The following BRCA2 variants were observed in gnomAD, a reference collection of about 807,000 sequenced individuals.
BRCA2 encodes the protein breast cancer type 2 susceptibility protein.
BRCA2 carries 203 observed loss-of-function variants against 276.7 expected under a neutral mutation model. The observed-to-expected ratio is 0.73, with a 90% confidence interval of 0.65 to 0.82. BRCA2 has a LOEUF of 0.82. BRCA2 is among the 40% of genes least tolerant of loss of function. The pLI, the probability that BRCA2 is intolerant of heterozygous loss-of-function variation, is 0.00. For synonymous variants in BRCA2, 1,289 were observed against 1,338.4 expected, an observed-to-expected ratio of 0.96 and a Z score of 0.81; for missense variants, 3,920 against 3,915.0, an observed-to-expected ratio of 1.00 and a Z score of -0.03.
rs11571715 is a variant in BRCA2 at position 32,360,521 on chromosome 13, G to A, written c.7806-2002G>A. 9.1e-3 allele frequency among the ~76,000 whole-genome samples: 1,377 copies of A among 152,148 alleles called. 23 individuals are homozygous for A. Among genetic ancestry groups the A allele is most frequent in the African/African-American group, 0.032 (1,308 of 41,500 alleles). On this transcript the variant is annotated intron_variant, in intron 16 of 26. Coordinates refer to ENST00000380152, the MANE Select transcript of BRCA2 (RefSeq NM_000059.4). Reference sequence around the variant, plus strand: ...ACTACAGGCGCGCACCACCGTGCCCGGCTGATTTTTGTGTTTTTAGTAGAG... The same window carrying A: ...ACTACAGGCGCGCACCACCGTGCCCAGCTGATTTTTGTGTTTTTAGTAGAG...
At chr13:32,334,361 T>C (rs1459606787) in intron 10 of BRCA2, among the ~76,000 whole-genome samples, 1 of 152,172 alleles carries the variant, frequency 6.6e-6, no homozygotes, top group East Asian at 1.9e-4. Context: ...TGCTACTTAC[T>C]ATGTATTTTC....
At chr13:32,334,652 C>A (rs1433535361) in intron 10 of BRCA2, among the ~76,000 whole-genome samples, 1 of 149,722 alleles carries the variant, frequency 6.7e-6, no homozygotes, top group Non-Finnish European at 1.5e-5. Context: ...CCAGCCTGGG[C>A]CACAAAATGA....
Position 32,394,794 on chromosome 13 carries a change from C to G in BRCA2, c.9362C>G (p.Ala3121Gly), listed in dbSNP as rs1234300873. The G allele has an allele frequency of 6.2e-7, 1 of 1,614,092 alleles. No individual in the cohort carries two copies. Among genetic ancestry groups the G allele is most frequent in the South Asian group, 1.1e-5 (1 of 91,080 alleles). Residue 3121 changes from alanine to glycine, a missense_variant, in exon 25 of 27, where the codon GCT (alanine) becomes GGT (glycine). Around this residue, in one of 2 missense-constraint regions of BRCA2, gnomAD observed 657 missense variants for 758.2 expected, o/e 0.87. Transcript: ENST00000380152. ...ATTATTAAGCCTCATATGTTAATTG[C>G]TGCAAGCAACCTCCAGTGGCGACCA... ...EDIIKPHMLI[A>G]ASNLQWRPES...
intron 13 of BRCA2, among the ~76,000 whole-genome samples, chr13:32,351,643 A>T (rs2072651703): frequency 6.6e-6 from 1 of 152,212 alleles, no homozygotes; most frequent in South Asian, 2.1e-4. Flanking sequence ...GTACTTCAAG[A>T]GAAAAAGTCA....
chr13:32,316,070 C>T (rs910224687), intron 1 of BRCA2, among the ~76,000 whole-genome samples: 1 of 152,238 alleles, frequency 6.6e-6, no homozygotes, highest in Non-Finnish European at 1.5e-5. Context: ...CTGGTAATTG[C>T]TGTATTCCGA....
rs776655838 is a variant in BRCA2, at chr13:32,337,850, T to C, written c.3495T>C (p.His1165=). The C allele has an allele frequency of 2.2e-5, 36 of 1,613,980 alleles. No homozygotes were observed. In the Admixed American group the frequency reaches 6.0e-4, roughly 27 times the overall value. Residue 1165 remains histidine, a synonymous_variant, in exon 11 of 27, where the codon CAT becomes CAC. Coordinates refer to ENST00000380152, the MANE Select transcript of BRCA2 (RefSeq NM_000059.4). ...TSEECRDADL[H]VIMNAPSIGQ... ...AGGAATGCAGAGATGCTGATCTTCATGTCATAATGAATGCCCCATCGATTG... is the reference window on the plus strand; with the variant it reads ...AGGAATGCAGAGATGCTGATCTTCACGTCATAATGAATGCCCCATCGATTG...
chr13:32,368,129 C>T (rs911736162), intron 18 of BRCA2, among the ~76,000 whole-genome samples: 1 of 147,306 alleles, frequency 6.8e-6, no homozygotes, highest in African/African-American at 2.5e-5. Context: ...AAGCGATTCT[C>T]CTGCCTCAGC....
At chr13:32,382,863 G>A (rs995816725) in intron 24 of BRCA2, among the ~76,000 whole-genome samples, 1 of 152,200 alleles carries the variant, frequency 6.6e-6, no homozygotes, top group Non-Finnish European at 1.5e-5. Context: ...GATACTGTGT[G>A]GTATGGTATC....
At position 32,351,219 on chromosome 13, in the gene BRCA2, ACACT is replaced by A. The variant is rs2072648059; in HGVS notation, c.7008-3638_7008-3635del. Among the ~76,000 whole-genome samples the A allele has an allele frequency of 2.0e-5, 3 of 152,292 alleles. No individual in the cohort carries two copies. The South Asian group carries it at 6.2e-4, about 32-fold the overall frequency. ...GTGAGCACTACCTTTATGAGCTGTAACACTCACCACGAAGGTCTGCGGCTTCACT... is the reference window on the plus strand; with the variant it reads ...GTGAGCACTACCTTTATGAGCTGTAACACCACGAAGGTCTGCGGCTTCACT... On this transcript the variant is annotated intron_variant, in intron 13 of 26. Transcript: ENST00000380152.
At chr13:32,368,037 T>C (rs1312786638) in intron 18 of BRCA2, among the ~76,000 whole-genome samples, 2 of 98,286 alleles carry the variant, frequency 2.0e-5, no homozygotes, top group South Asian at 3.8e-4. Context: ...TTTTTTTTTT[T>C]GAGATGGAGT....
intron 3 of BRCA2, among the ~76,000 whole-genome samples, chr13:32,323,057 T>G (rs2072316797): frequency 6.6e-6 from 1 of 152,240 alleles, no homozygotes; most frequent in African/African-American, 2.4e-5. Flanking sequence ...GAGTTCTTGT[T>G]GCTCACATCC....
intron 2 of BRCA2, among the ~76,000 whole-genome samples, chr13:32,318,662 C>T (rs1014249967): frequency 2.6e-5 from 4 of 152,050 alleles, no homozygotes; most frequent in African/African-American, 9.7e-5. Context: ...AGGTTGGTCT[C>T]GATCTGACCT....
chr13:32,324,838 A>T (rs1266306408), intron 3 of BRCA2, among the ~76,000 whole-genome samples: 1 of 151,680 alleles, frequency 6.6e-6, no homozygotes, highest in South Asian at 2.1e-4. Context: ...CAGGTGTTGA[A>T]CTCCTGCCTC....
chr13:32,359,945 G>A (rs1593922461), intron 16 of BRCA2, among the ~76,000 whole-genome samples: 2 of 152,288 alleles, frequency 1.3e-5, no homozygotes, highest in Admixed American at 1.3e-4. Flanking sequence ...CATTCTATGT[G>A]GAAGGCATAG....
intron 24 of BRCA2, chr13:32,384,872 G>A: frequency 3.4e-6 from 1 of 293,036 alleles, no homozygotes; most frequent in Admixed American, 3.8e-5. Context: ...CCAGAATGAG[G>A]AAGTGCTGGA....
chr13:32,351,930 T>C (rs1314757379), intron 13 of BRCA2, among the ~76,000 whole-genome samples: 7 of 152,232 alleles, frequency 4.6e-5, no homozygotes, highest in African/African-American at 1.7e-4. Flanking sequence ...GCCTCCCAAG[T>C]AGCCGGGATT....
rs2072682827 is a variant in BRCA2 at position 32,355,190 on chromosome 13, A to G, written c.7337A>G (p.Lys2446Arg). ...NIDGHGSDDS[K>R]NKINDNEIHQ... ...GATGGACATGGCTCTGATGATAGTA[A>G]AAATAAGATTAATGACAATGAGATT... The change falls in exon 14 of 27, where the codon AAA becomes AGA. Residue 2446 changes from lysine (K) to arginine (R), a missense_variant. Transcript: ENST00000380152. 1 of 1,613,866 alleles carries G rather than the reference A, an allele frequency of 6.2e-7. No individual in the cohort carries two copies. Among genetic ancestry groups the G allele is most frequent in the East Asian group, 2.2e-5 (1 of 44,830 alleles).
intron 24 of BRCA2, chr13:32,386,052 G>A (rs2072957705): frequency 5.1e-6 from 1 of 194,458 alleles, no homozygotes. Context: ...CTAGAGTACT[G>A]TGAGTGGGCC....
At chr13:32,390,178 C>A (rs2072987218) in intron 24 of BRCA2, among the ~76,000 whole-genome samples, 1 of 152,166 alleles carries the variant, frequency 6.6e-6, no homozygotes, top group Admixed American at 6.5e-5. Flanking sequence ...CATGATGCCT[C>A]CCAGCTTAAA....
Sources: gnomAD v4.1 joint callset for allele counts (sites outside exome capture counted in the v4.1 genomes callset) on GRCh38, gnomAD v4.1.1 for gene constraint, gnomAD v4.1.1 regional missense constraint, MANE v1.5 for transcripts, NCBI Gene and HGNC (gene_info 2026-07-23, HGNC 2026-07-21) for gene names.